The following DOCK5 variants were observed in gnomAD, a reference collection of about 807,000 sequenced individuals.
DOCK5 encodes dedicator of cytokinesis 5, also known as dedicator of cytokinesis protein 5.
In DOCK5, 142 loss-of-function variants were observed where a neutral mutation model predicts 251.8. That is an observed-to-expected ratio of 0.56 (90% CI 0.49 to 0.65). The LOEUF is 0.65. Ranked by LOEUF, DOCK5 falls within the 30% of genes least tolerant of loss-of-function variation. The pLI is 0.00. For synonymous variants in DOCK5, 842 were observed against 835.5 expected (o/e 1.01, Z -0.13); for missense variants, 2,111 against 2,312.3 (o/e 0.91, Z 1.79).
At chr8:25,196,225 C>T (rs1801722469) in intron 1 of DOCK5, among the ~76,000 whole-genome samples, 1 of 152,150 alleles carries the variant, frequency 6.6e-6, no homozygotes, top group Non-Finnish European at 1.5e-5. Context: ...GAGGAAGGGG[C>T]ACTGCAGACT....
intron 2 of DOCK5, among the ~76,000 whole-genome samples, chr8:25,261,764 C>T (rs895215932): frequency 2.6e-5 from 4 of 152,168 alleles, no homozygotes; most frequent in African/African-American, 9.7e-5. Context: ...TTTATCCACA[C>T]AGTTCCCACC....
At chr8:25,205,891 C>T (rs1051254732) in intron 1 of DOCK5, among the ~76,000 whole-genome samples, 4 of 152,162 alleles carry the variant, frequency 2.6e-5, no homozygotes, top group Admixed American at 2.0e-4. Context: ...TGATACTTCT[C>T]CTAACACTTA....
chr8:25,332,799 T>C, intron 20 of DOCK5, 107 bp downstream of exon 20: 2 of 817,900 alleles, frequency 2.4e-6, no homozygotes, highest in East Asian at 5.6e-5. Context: ...TAAATATTTG[T>C]TTACATCTCT....
intron 13 of DOCK5, among the ~76,000 whole-genome samples, chr8:25,313,615 A>G (rs754259414): frequency 1.3e-5 from 2 of 152,204 alleles, no homozygotes; most frequent in Non-Finnish European, 2.9e-5. Context: ...GGTGGCGTCA[A>G]CAACGTTTAT....
chr8:25,400,739 T>C (rs1471191062), intron 46 of DOCK5, among the ~76,000 whole-genome samples, 190 bp from the exon 47 acceptor site: 1 of 152,136 alleles, frequency 6.6e-6, no homozygotes, highest in Non-Finnish European at 1.5e-5. Context: ...ATTCTTGGTG[T>C]GCACATTTTC....
At position 25,340,923 on chromosome 8, in the gene DOCK5, C is replaced by A; in HGVS notation, c.2374C>A (p.Arg792Ser). The A allele has an allele frequency of 6.2e-7, 1 of 1,613,556 alleles. No individual in the cohort carries two copies. The change falls in exon 23 of 52, where the codon CGC becomes AGC. Residue 792 changes from arginine (R) to serine (S), a missense_variant. Arg to Ser is a moderately radical substitution (Grantham distance 110). Coordinates refer to ENST00000276440, the MANE Select transcript of DOCK5 (RefSeq NM_024940.8). Reference sequence around the variant, plus strand: ...TGGAGATGAGTTTAATAATTCAATTCGCCAGTTATTTCTTGCTTTCAATAT... The same window carrying A: ...TGGAGATGAGTTTAATAATTCAATTAGCCAGTTATTTCTTGCTTTCAATAT... ...KDGDEFNNSI[R>S]QLFLAFNMLM...
At chr8:25,386,328 A>G (rs1400930376) in intron 40 of DOCK5, among the ~76,000 whole-genome samples, 1 of 152,114 alleles carries the variant, frequency 6.6e-6, no homozygotes, top group South Asian at 2.1e-4. Context: ...CATGCCTGTA[A>G]TCCCAGCACT....
At chr8:25,389,665 G>A (rs4872310) in intron 41 of DOCK5, among the ~76,000 whole-genome samples, 32,429 of 152,046 alleles carry the variant, frequency 0.21, 4,026 homozygotes, top group East Asian at 0.55. Context: ...TACCAGTTGT[G>A]TGATGTTGGA....
At chr8:25,283,705 C>T (rs1295482548) in intron 5 of DOCK5, among the ~76,000 whole-genome samples, 2 of 152,166 alleles carry the variant, frequency 1.3e-5, no homozygotes, top group Non-Finnish European at 2.9e-5. Flanking sequence ...TCCTTTGGAA[C>T]AATTATCTTA....
rs144212581 is a variant in DOCK5 at position 25,298,980 on chromosome 8, A to G, written c.643A>G (p.Ile215Val). The change falls in exon 8 of 52, where the codon ATC becomes GTC. Residue 215 changes from isoleucine to valine, a missense_variant. By Grantham distance (29) the Ile-to-Val change is conservative. Transcript: ENST00000276440. Reference protein sequence around the residue: ...LQNLDLRGQSIFSTIHTYGLY... With the variant: ...LQNLDLRGQSVFSTIHTYGLY... ...GAACCTCGATTTGCGGGGCCAGTCCATCTTCAGTACCATCCACACCTATGG... is the reference window on the plus strand; with the variant it reads ...GAACCTCGATTTGCGGGGCCAGTCCGTCTTCAGTACCATCCACACCTATGG... 902 of 1,613,348 alleles carry G rather than the reference A, an allele frequency of 5.6e-4. 1 individual carries two copies. Among genetic ancestry groups the G allele is most frequent in the Non-Finnish European group, 7.2e-4 (849 of 1,179,734 alleles).
At chr8:25,284,054 G>GA (rs2117138571) in intron 5 of DOCK5, among the ~76,000 whole-genome samples, 1 of 152,078 alleles carries the variant, frequency 6.6e-6, no homozygotes, top group Non-Finnish European at 1.5e-5. Context: ...ATTATATTCA[G>GA]AAAAAAATGA....
At chr8:25,336,548 A>C (rs889654432) in intron 22 of DOCK5, among the ~76,000 whole-genome samples, 175 bp downstream of exon 22, 1 of 152,306 alleles carries the variant, frequency 6.6e-6, no homozygotes, top group South Asian at 2.1e-4. Flanking sequence ...GAGAAGACTC[A>C]TGAGAAGTTT....
Position 25,341,804 on chromosome 8 carries a change from G to C in DOCK5, c.2505G>C (p.Glu835Asp). 6.4e-7 allele frequency: 1 copy of C among 1,565,384 alleles called. No homozygotes were observed. The highest frequency in any genetic ancestry group is 8.7e-7 in the Non-Finnish European group (1 of 1,153,282). The change falls in exon 24 of 52, where the codon GAG (glutamate) becomes GAC (aspartate). Residue 835 changes from glutamate to aspartate, a missense_variant. Transcript: ENST00000276440. The part of the protein sequence containing the change: ...NDVKLVFDPV[E>D]LSVLFCKFIQ... ...TCAAACTTGTATTTGATCCTGTTGA[G>C]CTCAGGTAAATAGCAAAACAAAATT...
intron 37 of DOCK5, chr8:25,376,480 T>A: frequency 1.6e-6 from 1 of 628,858 alleles, no homozygotes; most frequent in Non-Finnish European, 2.0e-6. Flanking sequence ...CTGTATTAAT[T>A]ATTAATTCTT....
intron 5 of DOCK5, among the ~76,000 whole-genome samples, chr8:25,284,713 C>T (rs1036570241): frequency 5.3e-5 from 8 of 152,296 alleles, no homozygotes; most frequent in East Asian, 3.9e-4. Flanking sequence ...TAGACACGGT[C>T]GGATTCGTGT....
chr8:25,353,157 C>A (rs1448103816), intron 27 of DOCK5, among the ~76,000 whole-genome samples: 1 of 152,044 alleles, frequency 6.6e-6, no homozygotes, highest in Non-Finnish European at 1.5e-5. Flanking sequence ...GGCAACACAG[C>A]AAGACCCCAT....
intron 5 of DOCK5, among the ~76,000 whole-genome samples, chr8:25,283,986 G>T (rs1250331859): frequency 1.3e-5 from 2 of 152,278 alleles, no homozygotes; most frequent in African/African-American, 4.8e-5. Context: ...TTGGACATTG[G>T]AGTCAGACAG....
chr8:25,184,833 C>G lies in DOCK5; in HGVS notation c.-76C>G, dbSNP rs1801387497. 1 of 1,231,744 alleles carries G rather than the reference C, an allele frequency of 8.1e-7. No homozygotes were observed. The highest frequency in any genetic ancestry group is 3.0e-5 in the South Asian group (1 of 33,696). The allele number at this position is 1,231,744 out of a possible 1,614,324, so 76.3% of individuals were successfully genotyped here. ...CGGAAGCGTCTGGGGCACGCAGGAG[C>G]GCGGGGCGGCGGCGGCCGGAGCCCG... On this transcript the variant is annotated 5_prime_UTR_variant, in exon 1 of 52. Transcript: ENST00000276440.
At chr8:25,251,925 G>C (rs1803282044) in intron 2 of DOCK5, among the ~76,000 whole-genome samples, 1 of 151,744 alleles carries the variant, frequency 6.6e-6, no homozygotes, top group African/African-American at 2.4e-5. Context: ...GGAGGCAGAG[G>C]TTGCAGTGAG....
Sources: gnomAD v4.1 joint callset for allele counts (sites outside exome capture counted in the v4.1 genomes callset) on GRCh38, gnomAD v4.1.1 for gene constraint, MANE v1.5 for transcripts, NCBI Gene and HGNC (gene_info 2026-07-23, HGNC 2026-07-21) for gene names.